The following NPFFR2 variants were observed in gnomAD, a reference collection of about 807,000 sequenced individuals.
The protein encoded by NPFFR2 is G-protein coupled receptor 74.
Under a neutral mutation model 13.1 loss-of-function variants are expected in NPFFR2, and 15 were observed. That is an observed-to-expected ratio of 1.15 (90% CI 0.77 to 1.76). NPFFR2 has a LOEUF of 1.76. Ranked by LOEUF, NPFFR2 falls within the 40% of genes most tolerant of loss-of-function variation. The probability of loss-of-function intolerance (pLI) is 0.00; values close to 1 mark genes in which losing one functional copy is unlikely to be tolerated. For missense variants in NPFFR2, 572 were observed against 503.5 expected (o/e 1.14, Z -1.30); for synonymous variants, 190 against 175.7 (o/e 1.08, Z -0.65).
intron 1 of NPFFR2, among the ~76,000 whole-genome samples, chr4:72,051,355 C>G (rs1719573446): frequency 6.6e-6 from 1 of 152,096 alleles, no homozygotes; most frequent in African/African-American, 2.4e-5. Context: ...CAAAACAGCT[C>G]AACTACATGG....
At chr4:72,136,611 G>A (rs1054231483) in intron 2 of NPFFR2, among the ~76,000 whole-genome samples, 1 of 152,128 alleles carries the variant, frequency 6.6e-6, no homozygotes, top group Non-Finnish European at 1.5e-5. Flanking sequence ...TTTTCCAGAA[G>A]GAGATTTTCT....
intron 1 of NPFFR2, among the ~76,000 whole-genome samples, chr4:72,047,607 T>C (rs1025744131): frequency 6.6e-6 from 1 of 152,184 alleles, no homozygotes; most frequent in African/African-American, 2.4e-5. Flanking sequence ...TCATAATCCT[T>C]GTGATTACTT....
At chr4:72,126,068 A>G (rs2109831892) in intron 1 of NPFFR2, among the ~76,000 whole-genome samples, 1 of 152,314 alleles carries the variant, frequency 6.6e-6, no homozygotes, top group South Asian at 2.1e-4. Flanking sequence ...CCTCAGGATA[A>G]GATTATGCAT....
intron 1 of NPFFR2, among the ~76,000 whole-genome samples, chr4:72,057,191 TCA>T (rs377275938): frequency 0.26 from 40,069 of 151,872 alleles, 5,967 homozygotes; most frequent in Middle Eastern, 0.38. Flanking sequence ...TTGGCAATCA[TCA>T]TCATCATCAT....
Position 72,128,925 on chromosome 4 carries a change from T to C in NPFFR2, c.328+6T>C, listed in dbSNP as rs755594947. On this transcript the variant is annotated splice_donor_region_variant and intron_variant, in intron 2 of 3. Coordinates refer to ENST00000308744, the MANE Select transcript of NPFFR2 (RefSeq NM_004885.3). ...GCTGGACAATATTATAGCAGGTATG[T>C]TGGCTTTTGTGCAGTTTGAAGATAA... 2 of 1,591,828 alleles carry C rather than the reference T, an allele frequency of 1.3e-6. No homozygotes were observed. The highest frequency in any genetic ancestry group is 2.2e-5 in the East Asian group (1 of 44,494).
intron 2 of NPFFR2, among the ~76,000 whole-genome samples, chr4:72,132,185 C>G (rs970595967): frequency 1.3e-5 from 2 of 151,692 alleles, no homozygotes; most frequent in Non-Finnish European, 2.9e-5. Flanking sequence ...TCTGATAGGC[C>G]CCAGTACGTG....
At chr4:72,131,033 T>C (rs1288082962) in intron 2 of NPFFR2, among the ~76,000 whole-genome samples, 1 of 151,898 alleles carries the variant, frequency 6.6e-6, no homozygotes, top group Non-Finnish European at 1.5e-5. Flanking sequence ...CCAACCATAG[T>C]CTCCAATGCC....
chr4:72,126,869 C>G (rs1722056295), intron 1 of NPFFR2, among the ~76,000 whole-genome samples: 1 of 152,172 alleles, frequency 6.6e-6, no homozygotes, highest in Non-Finnish European at 1.5e-5. Context: ...GTCTTCACCC[C>G]ATGTACATTT....
At chr4:72,069,972 A>G (rs1305944198) in intron 1 of NPFFR2, among the ~76,000 whole-genome samples, 9 of 152,268 alleles carry the variant, frequency 5.9e-5, no homozygotes, top group Middle Eastern at 6.8e-3. Context: ...ATCAAGTCAT[A>G]TATTCTTTGT....
chr4:72,103,375 C>T (rs1721311887), intron 1 of NPFFR2, among the ~76,000 whole-genome samples: 1 of 152,132 alleles, frequency 6.6e-6, no homozygotes, highest in Non-Finnish European at 1.5e-5. Context: ...AGGATTTGCT[C>T]TCTTGTGCAC....
chr4:72,095,977 T>C (rs28729465), intron 1 of NPFFR2, among the ~76,000 whole-genome samples: 4,427 of 152,286 alleles, frequency 0.029, 176 homozygotes, highest in African/African-American at 0.09. Flanking sequence ...GAAATAATTG[T>C]TTCAATATAT....
intron 1 of NPFFR2, among the ~76,000 whole-genome samples, chr4:72,040,679 AT>A (rs896438456): frequency 3.9e-5 from 6 of 152,054 alleles, no homozygotes; most frequent in African/African-American, 1.4e-4. Context: ...CTTTGCAAAT[AT>A]TTTTACCAAA....
At chr4:72,144,300 G>A (rs980936116) in intron 3 of NPFFR2, among the ~76,000 whole-genome samples, 4 of 152,270 alleles carry the variant, frequency 2.6e-5, no homozygotes, top group Non-Finnish European at 5.9e-5. Flanking sequence ...TCAGGGCTCT[G>A]ACGGTTTGTG....
Position 72,147,452 on chromosome 4 carries a change from C to T in NPFFR2, c.903C>T (p.Asp301=), listed in dbSNP as rs1244908046. 2 of 1,614,188 alleles carry T rather than the reference C, an allele frequency of 1.2e-6. No individual in the cohort carries two copies. The highest frequency in any genetic ancestry group is 2.7e-5 in the African/African-American group (2 of 75,048). Reference sequence around the variant, plus strand: ...TAATGATGCTCTCAGACTACGCTGACCTTTCTCCAAATGAACTGCAGATCA... The same window carrying T: ...TAATGATGCTCTCAGACTACGCTGATCTTTCTCCAAATGAACTGCAGATCA... ...WTLMMLSDYA[D]LSPNELQIIN... The change falls in exon 4 of 4, where the codon GAC becomes GAT. Residue 301 remains aspartate (D), a synonymous_variant. Transcript: ENST00000308744.
chr4:72,137,787 A>C (rs1722463444), intron 2 of NPFFR2, among the ~76,000 whole-genome samples: 1 of 152,194 alleles, frequency 6.6e-6, no homozygotes, highest in Admixed American at 6.5e-5. Flanking sequence ...TGAGGATTAG[A>C]TATGTTAATA....
intron 1 of NPFFR2, among the ~76,000 whole-genome samples, chr4:72,105,135 A>C (rs116605711): frequency 0.018 from 2,713 of 151,792 alleles, 87 homozygotes; most frequent in African/African-American, 0.062. Context: ...TTAGGTGTTC[A>C]TAAATTAAGG....
At position 72,147,366 on chromosome 4, in the gene NPFFR2, A is replaced by G. The variant is rs1722817362; in HGVS notation, c.817A>G (p.Ile273Val). 6 of 1,614,030 alleles carry G rather than the reference A, an allele frequency of 3.7e-6. No homozygotes were observed. The East Asian group carries it at 1.1e-4, about 30-fold the overall frequency. ...HVVSRKKQKIIKMLLIVALLF... is the reference protein window; with the variant it reads ...HVVSRKKQKIVKMLLIVALLF... The stretch of plus-strand genomic sequence containing the variant: ...GGTGTCCAGGAAGAAGCAGAAGATC[A>G]TTAAGATGCTCCTGATTGTGGCCCT... Residue 273 changes from isoleucine (I) to valine (V), a missense_variant, in exon 4 of 4, where the codon ATT becomes GTT. Ile to Val is a conservative substitution (Grantham distance 29). Transcript: ENST00000308744.
intron 1 of NPFFR2, among the ~76,000 whole-genome samples, chr4:72,098,689 T>C (rs928653806): frequency 2.0e-5 from 3 of 152,292 alleles, no homozygotes; most frequent in African/African-American, 2.4e-5. Context: ...CTAGAAACTT[T>C]ACTCACTCCT....
chr4:72,071,490 G>A (rs1210341335), intron 1 of NPFFR2, among the ~76,000 whole-genome samples: 2 of 152,098 alleles, frequency 1.3e-5, no homozygotes, highest in African/African-American at 2.4e-5. Context: ...AATTGCACTG[G>A]CACAATCTGT....
Sources: gnomAD v4.1 joint callset for allele counts (sites outside exome capture counted in the v4.1 genomes callset) on GRCh38, gnomAD v4.1.1 for gene constraint, MANE v1.5 for transcripts, NCBI Gene and HGNC (gene_info 2026-07-23, HGNC 2026-07-21) for gene names.